MPZL1: variants seen among roughly 807,000 people sequenced by gnomAD.
MPZL1 encodes myelin protein zero like 1, also known as myelin protein zero-like protein 1.
MPZL1 carries 16 observed loss-of-function variants against 29.3 expected under a neutral mutation model. That is an observed-to-expected ratio of 0.55 (90% CI 0.37 to 0.83). The LOEUF (loss-of-function observed/expected upper bound fraction) is 0.83, where lower values mean the gene tolerates loss of function less well. Ranked by LOEUF, MPZL1 falls within the 40% of genes least tolerant of loss-of-function variation. The pLI, the probability that MPZL1 is intolerant of heterozygous loss-of-function variation, is 0.00. For synonymous variants in MPZL1, 143 were observed against 132.0 expected, an observed-to-expected ratio of 1.08 and a Z score of -0.57; for missense variants, 279 against 332.9, an observed-to-expected ratio of 0.84 and a Z score of 1.26.
At chr1:167,738,307 C>T (rs888205659) in intron 1 of MPZL1, among the ~76,000 whole-genome samples, 2 of 152,018 alleles carry the variant, frequency 1.3e-5, no homozygotes, top group East Asian at 1.9e-4. Flanking sequence ...ATATTTAGTA[C>T]GCTAATGTTG....
At position 167,773,314 on chromosome 1, in the gene MPZL1, G is replaced by A. The variant is rs1467307736; in HGVS notation, c.551G>A (p.Ser184Asn). ...GTCCTAGGTCTCACTCTGCTCATCA[G>A]CATGATTCTGGCTGTCCTCTATAGA... Reference protein sequence around the residue: ...AVVLGLTLLISMILAVLYRRK... With the variant: ...AVVLGLTLLINMILAVLYRRK... Residue 184 changes from serine (S) to asparagine (N), a missense_variant, in exon 4 of 6, where the codon AGC becomes AAC. Coordinates refer to ENST00000359523, the MANE Select transcript of MPZL1 (RefSeq NM_003953.6). The A allele has an allele frequency of 1.5e-5, 24 of 1,613,944 alleles. No individual in the cohort carries two copies. The highest frequency in any genetic ancestry group is 2.0e-5 in the Non-Finnish European group (24 of 1,179,828).
chr1:167,787,696 A>T, intron 5 of MPZL1, 124 bp from the exon 6 acceptor site: 1 of 657,680 alleles, frequency 1.5e-6, no homozygotes, highest in Admixed American at 2.7e-5. Flanking sequence ...TCCTGAAGAC[A>T]TTCAAGAGGG....
intron 1 of MPZL1, among the ~76,000 whole-genome samples, chr1:167,744,253 A>G (rs564928935): frequency 2.0e-5 from 3 of 152,248 alleles, no homozygotes; most frequent in East Asian, 3.9e-4. Context: ...TGTGATTCAC[A>G]TAGTTGCAGA....
rs188550264 is a variant in MPZL1 at position 167,728,420 on chromosome 1, C to A, written c.91+6178C>A. On this transcript the variant is annotated intron_variant, in intron 1 of 5. Coordinates refer to ENST00000359523, the MANE Select transcript of MPZL1 (RefSeq NM_003953.6). Reference sequence around the variant, plus strand: ...ATGGGGTTTCACCATATTGGCCAGGCTGGTCTCGAACTCCTGACCTCAGGT... The same window carrying A: ...ATGGGGTTTCACCATATTGGCCAGGATGGTCTCGAACTCCTGACCTCAGGT... Among the ~76,000 whole-genome samples the A allele has an allele frequency of 2.7e-3, 373 of 137,668 alleles. 3 individuals carry two copies. The highest frequency in any genetic ancestry group is 0.01 in the African/African-American group (359 of 35,462). The allele number at this position is 137,668 out of a possible 152,430, so 90.3% of individuals were successfully genotyped here.
chr1:167,759,399 G>A (rs1455183045), intron 1 of MPZL1, among the ~76,000 whole-genome samples: 1 of 152,078 alleles, frequency 6.6e-6, no homozygotes, highest in Non-Finnish European at 1.5e-5. Context: ...AAAAGGCAGG[G>A]GAATGGACAA....
chr1:167,765,932 G>C, intron 2 of MPZL1, 183 bp downstream of exon 2: 1 of 439,170 alleles, frequency 2.3e-6, no homozygotes. Context: ...AAATGCGTCT[G>C]GTTTCCTTGT....
At chr1:167,742,528 G>C (rs1449534393) in intron 1 of MPZL1, among the ~76,000 whole-genome samples, 1 of 152,072 alleles carries the variant, frequency 6.6e-6, no homozygotes, top group African/African-American at 2.4e-5. Flanking sequence ...ACCATAATCA[G>C]AATAGGAACT....
rs775889762 is a variant in MPZL1 at position 167,772,245 on chromosome 1, A to C, written c.259-30A>C. 7.1e-6 allele frequency: 11 copies of C among 1,544,880 alleles called. No individual in the cohort carries two copies. The South Asian group carries it at 1.2e-4, about 17-fold the overall frequency. On this transcript the variant is annotated intron_variant, in intron 2 of 5. Coordinates refer to ENST00000359523, the MANE Select transcript of MPZL1 (RefSeq NM_003953.6). ...GTTTAGGAATTCTGCCTTTGAGAAT[A>C]GTTCATGTGTTCCTTTTTTCTAATT... is the stretch of plus-strand genomic sequence containing the variant.
chr1:167,773,119 T>A (rs1042959061), intron 3 of MPZL1, 117 bp from the exon 4 acceptor site: 1 of 1,037,956 alleles, frequency 9.6e-7, no homozygotes, highest in Admixed American at 2.3e-5. Flanking sequence ...ATAGTTTGGA[T>A]AATAAAAGAG....
chr1:167,747,972 T>TC (rs1198969026), intron 1 of MPZL1, among the ~76,000 whole-genome samples: 1 of 152,250 alleles, frequency 6.6e-6, no homozygotes, highest in Non-Finnish European at 1.5e-5. Context: ...ATGGATAGAA[T>TC]CAGATAATAT....
At chr1:167,765,214 A>G (rs1661087707) in intron 1 of MPZL1, 1 of 153,606 alleles carries the variant, frequency 6.5e-6, no homozygotes, top group Non-Finnish European at 1.4e-5. Context: ...AGATGTTAAT[A>G]ATAGGAGAAA....
At chr1:167,774,508 C>A (rs1234788652) in intron 4 of MPZL1, 3 of 152,330 alleles carry the variant, frequency 2.0e-5, no homozygotes, top group African/African-American at 7.2e-5. Context: ...ATTCTGCTGA[C>A]TGTATCTGCC....
At chr1:167,762,018 TG>T (rs1661000547) in intron 1 of MPZL1, among the ~76,000 whole-genome samples, 1 of 151,742 alleles carries the variant, frequency 6.6e-6, no homozygotes, top group African/African-American at 2.4e-5. Flanking sequence ...AGCTAAGAGG[TG>T]GTCAATTAGG....
chr1:167,766,807 G>A (rs1271237265), intron 2 of MPZL1, among the ~76,000 whole-genome samples: 3 of 152,148 alleles, frequency 2.0e-5, no homozygotes, highest in African/African-American at 4.8e-5. Flanking sequence ...ACACAGGTTA[G>A]AATTGTTTAA....
chr1:167,725,780 T>A (rs944732784), intron 1 of MPZL1, among the ~76,000 whole-genome samples: 2 of 151,894 alleles, frequency 1.3e-5, no homozygotes, highest in African/African-American at 4.8e-5. Context: ...CCACCACATC[T>A]GGCTGATTTT....
intron 1 of MPZL1, among the ~76,000 whole-genome samples, chr1:167,738,980 T>G (rs1369126408): frequency 6.6e-6 from 1 of 152,016 alleles, no homozygotes; most frequent in Non-Finnish European, 1.5e-5. Flanking sequence ...GGTCTCACTG[T>G]CACCCGGGCT....
At chr1:167,771,701 G>A (rs1330766503) in intron 2 of MPZL1, among the ~76,000 whole-genome samples, 2 of 152,090 alleles carry the variant, frequency 1.3e-5, no homozygotes, top group African/African-American at 2.4e-5. Flanking sequence ...AGGCAGAGAC[G>A]CTCCTCACTT....
chr1:167,790,799 TA>T lies in MPZL1; in HGVS notation c.*2880del, dbSNP rs1345344762. On this transcript the variant is annotated 3_prime_UTR_variant, in exon 6 of 6. Transcript: ENST00000359523. ...TTCAGTTGTATTTTTGTGAATATTT[TA>T]ATACATCTTTTTCAATTTCTGAATT... 6.6e-6 allele frequency: 1 copy of T among 152,262 alleles called. No individual in the cohort carries two copies. The highest frequency in any genetic ancestry group is 2.4e-5 in the African/African-American group (1 of 41,464). The allele number at this position is 152,262 out of a possible 1,614,324, so 9.4% of individuals were successfully genotyped here.
rs555681703 is a variant in MPZL1 at position 167,729,055 on chromosome 1, A to G, written c.91+6813A>G. On this transcript the variant is annotated intron_variant, in intron 1 of 5. Coordinates refer to ENST00000359523, the MANE Select transcript of MPZL1 (RefSeq NM_003953.6). ...CTGAGGCGGGTGGATTGCCTGAGCT[A>G]AGGAGTACAAGACCAGCCTGGACAA... 1.4e-4 allele frequency among the ~76,000 whole-genome samples: 21 copies of G among 152,066 alleles called. 2 individuals are homozygous for G. The South Asian group carries it at 4.4e-3, about 32-fold the overall frequency.
Sources: gnomAD v4.1 joint callset for allele counts (sites outside exome capture counted in the v4.1 genomes callset) on GRCh38, gnomAD v4.1.1 for gene constraint, MANE v1.5 for transcripts, NCBI Gene and HGNC (gene_info 2026-07-23, HGNC 2026-07-21) for gene names.